The following MYSM1 variants were observed in gnomAD, a reference collection of about 807,000 sequenced individuals.
MYSM1 encodes Myb like, SWIRM and MPN domains 1.
In MYSM1, 51 loss-of-function variants were observed where a neutral mutation model predicts 116.0. The ratio of observed to expected loss-of-function variants is 0.44; its 90% CI spans 0.35 to 0.56. MYSM1 has a LOEUF of 0.56. MYSM1 is among the 20% of genes least tolerant of loss of function. The probability of loss-of-function intolerance (pLI) is 0.00; values close to 1 mark genes in which losing one functional copy is unlikely to be tolerated. For synonymous variants in MYSM1, 313 were observed against 315.2 expected, an observed-to-expected ratio of 0.99 and a Z score of 0.07; for missense variants, 900 against 974.9, an observed-to-expected ratio of 0.92 and a Z score of 1.02.
chr1:58,665,144 A>C (rs1425931086), intron 17 of MYSM1, among the ~76,000 whole-genome samples: 1 of 152,076 alleles, frequency 6.6e-6, no homozygotes, highest in Non-Finnish European at 1.5e-5. Flanking sequence ...TTTGCATGCC[A>C]TCACAGAGAA....
rs994312118 is a variant in MYSM1 at position 58,659,119 on chromosome 1, C to G, written c.*878G>C. ...GATTCAGAAAGCATATGAAACTGGG[C>G]TGAATATGTAACATGTCCTGAAAGG... On this transcript the variant is annotated 3_prime_UTR_variant, in exon 20 of 20. Coordinates refer to ENST00000472487, the MANE Select transcript of MYSM1 (RefSeq NM_001085487.3). 6.6e-6 allele frequency: 1 copy of G among 151,672 alleles called. No homozygotes were observed. Among genetic ancestry groups the G allele is most frequent in the African/African-American group, 2.4e-5 (1 of 41,318 alleles). 9.4% of individuals were successfully genotyped at this position (151,672 alleles called of 1,614,324 possible). A position where few individuals can be genotyped will look rare whatever the true frequency, so the allele number is the denominator to read the frequency against.
At chr1:58,685,935 A>T (rs539869423) in intron 6 of MYSM1, among the ~76,000 whole-genome samples, 2 of 152,184 alleles carry the variant, frequency 1.3e-5, no homozygotes, top group East Asian at 3.9e-4. Flanking sequence ...GTCAGTTTTT[A>T]TTTCATTTTT....
intron 9 of MYSM1, 157 bp downstream of exon 9, chr1:58,676,769 C>G (rs1644659516): frequency 1.6e-6 from 1 of 635,654 alleles, no homozygotes; most frequent in African/African-American, 2.0e-5. Context: ...GTTTAACCAA[C>G]AGTAAAATCT....
intron 6 of MYSM1, among the ~76,000 whole-genome samples, chr1:58,686,079 C>T (rs777101715): frequency 7.2e-5 from 11 of 152,184 alleles, no homozygotes; most frequent in Non-Finnish European, 1.2e-4. Flanking sequence ...GTACGCACCA[C>T]TTTGCCGGGC....
intron 1 of MYSM1, among the ~76,000 whole-genome samples, chr1:58,698,096 A>ATTTTTTT (rs1290483031): frequency 3.7e-5 from 1 of 27,038 alleles, no homozygotes; most frequent in Non-Finnish European, 8.3e-5. Context: ...ATATATATAT[A>ATTTTTTT]TATATATTTT....
At position 58,670,252 on chromosome 1, in the gene MYSM1, A is replaced by G. The variant is rs556801; in HGVS notation, c.1662-1214T>C. On this transcript the variant is annotated intron_variant, in intron 12 of 19. Transcript: ENST00000472487. The stretch of plus-strand genomic sequence containing the variant: ...CAACACAAAAAGAAACTGAAGGCCA[A>G]GATAGATGAGAAAATAGCACAGAAA... Among the ~76,000 whole-genome samples, 708 of 152,342 alleles carry G rather than the reference A, an allele frequency of 4.6e-3. 7 individuals carry two copies. Among genetic ancestry groups the G allele is most frequent in the African/African-American group, 0.015 (620 of 41,584 alleles).
chr1:58,687,916 T>G (rs902506866), intron 6 of MYSM1, among the ~76,000 whole-genome samples: 1 of 152,174 alleles, frequency 6.6e-6, no homozygotes, highest in African/African-American at 2.4e-5. Context: ...CTGCATTTGC[T>G]GCTGAGCTGC....
Position 58,685,238 on chromosome 1 carries a change from CG to C in MYSM1, c.412del (p.Arg138GlufsTer9). On this transcript the variant is annotated frameshift_variant, in exon 7 of 20. Transcript: ENST00000472487. LOFTEE classifies it high-confidence loss of function. ...TAGCTTTGAAATTTTGGTCCATCTT[CG>C]GCCAAATTTAGCCTGTATTATTAAA... ...LFEQGLAKFG[R>X]RWTKISKLIG... 1 of 1,605,694 alleles carries C rather than the reference CG, an allele frequency of 6.2e-7. No homozygotes were observed. The highest frequency in any genetic ancestry group is 8.5e-7 in the Non-Finnish European group (1 of 1,177,478).
chr1:58,671,813 A>T, intron 12 of MYSM1, 57 bp downstream of exon 12: 4 of 1,260,622 alleles, frequency 3.2e-6, no homozygotes, highest in Admixed American at 2.2e-5. Flanking sequence ...ATTTTTTCAT[A>T]TATTATCTAG....
At chr1:58,686,939 G>A (rs1490178795) in intron 6 of MYSM1, among the ~76,000 whole-genome samples, 2 of 150,822 alleles carry the variant, frequency 1.3e-5, no homozygotes, top group East Asian at 3.9e-4. Context: ...TTCAAAGCCT[G>A]GGCAGCATAA....
In MYSM1 at chr1:58,657,316, T is replaced by C. The variant is rs1644331433; in HGVS notation, c.*2681A>G. On this transcript the variant is annotated 3_prime_UTR_variant, in exon 20 of 20. Coordinates refer to ENST00000472487, the MANE Select transcript of MYSM1 (RefSeq NM_001085487.3). ...CAGAATCAGGATGAAGACACCTGCA[T>C]GTCTTTAAGTCCTTTAGTCCTTTCT... 6.6e-6 allele frequency: 1 copy of C among 152,144 alleles called. No individual in the cohort carries two copies. The highest frequency in any genetic ancestry group is 1.5e-5 in the Non-Finnish European group (1 of 68,030). 9.4% of individuals were successfully genotyped at this position (152,144 alleles called of 1,614,324 possible).
In MYSM1 at chr1:58,656,707, G is replaced by A. The variant is rs1569675746; in HGVS notation, c.*3290C>T. 1 of 152,240 alleles carries A rather than the reference G, an allele frequency of 6.6e-6. No individual in the cohort carries two copies. 9.4% of individuals were successfully genotyped at this position (152,240 alleles called of 1,614,324 possible). A position where few individuals can be genotyped will look rare whatever the true frequency, so the allele number is the denominator to read the frequency against. ...TTCTCCAAGGACTGTGGTGGTGGGAGAAGGGGACAGAATAATGACTGCTAT... is the reference window on the plus strand; with the variant it reads ...TTCTCCAAGGACTGTGGTGGTGGGAAAAGGGGACAGAATAATGACTGCTAT... On this transcript the variant is annotated 3_prime_UTR_variant, in exon 20 of 20. Coordinates refer to ENST00000472487, the MANE Select transcript of MYSM1 (RefSeq NM_001085487.3).
At chr1:58,681,760 C>T in intron 8 of MYSM1, 25 bp downstream of exon 8, 1 of 1,540,638 alleles carries the variant, frequency 6.5e-7, no homozygotes, top group South Asian at 1.3e-5. Context: ...TTTAAAACAA[C>T]ATCTATAATG....
At chr1:58,684,133 C>T (rs1644790195) in intron 7 of MYSM1, among the ~76,000 whole-genome samples, 1 of 152,088 alleles carries the variant, frequency 6.6e-6, no homozygotes, top group South Asian at 2.1e-4. Flanking sequence ...TTAGTTACCA[C>T]CTATGTCTAG....
chr1:58,693,207 T>C (rs1167788984), intron 2 of MYSM1, among the ~76,000 whole-genome samples: 2 of 152,180 alleles, frequency 1.3e-5, no homozygotes, highest in African/African-American at 4.8e-5. Flanking sequence ...CAGGATGAGG[T>C]AATAATCGCC....
At chr1:58,685,796 T>C (rs1432787336) in intron 6 of MYSM1, among the ~76,000 whole-genome samples, 4 of 152,230 alleles carry the variant, frequency 2.6e-5, no homozygotes, top group Non-Finnish European at 4.4e-5. Flanking sequence ...CTGCAACAAA[T>C]GTCTTCTTTG....
rs537865839 is a variant in MYSM1, at chr1:58,656,240, G to A, written c.*3757C>T. The A allele has an allele frequency of 6.6e-6, 1 of 152,372 alleles. No individual in the cohort carries two copies. The highest frequency in any genetic ancestry group is 6.5e-5 in the Admixed American group (1 of 15,292). 9.4% of individuals were successfully genotyped at this position (152,372 alleles called of 1,614,324 possible). A position where few individuals can be genotyped will look rare whatever the true frequency, so the allele number is the denominator to read the frequency against. On this transcript the variant is annotated 3_prime_UTR_variant, in exon 20 of 20. Coordinates refer to ENST00000472487, the MANE Select transcript of MYSM1 (RefSeq NM_001085487.3). ...GTCACAGACCTCAACCCCACTCCTAGGGGCAGGGAAGGAATGGTATGGACA... is the reference window on the plus strand; with the variant it reads ...GTCACAGACCTCAACCCCACTCCTAAGGGCAGGGAAGGAATGGTATGGACA...
chr1:58,679,349 T>C (rs757944886), intron 8 of MYSM1, among the ~76,000 whole-genome samples: 11 of 152,224 alleles, frequency 7.2e-5, no homozygotes, highest in East Asian at 1.9e-4. Flanking sequence ...TAGGAAACTA[T>C]TGCCATGTAA....
chr1:58,673,552 C>T, intron 11 of MYSM1, 21 bp downstream of exon 11: 1 of 1,602,600 alleles, frequency 6.2e-7, no homozygotes, highest in Non-Finnish European at 8.5e-7. Context: ...ATGGATGAGC[C>T]ATTTGAAAGG....
Sources: allele counts gnomAD v4.1 joint callset (sites outside exome capture counted in the v4.1 genomes callset), GRCh38; gene constraint gnomAD v4.1.1; transcripts MANE v1.5; gene names NCBI Gene and HGNC (gene_info 2026-07-23, HGNC 2026-07-21).